Variants in PIP5K1C observed in about 807,000 individuals in gnomAD.
The protein encoded by PIP5K1C is phosphatidylinositol 4-phosphate 5-kinase type-1 gamma.
PIP5K1C carries 45 observed loss-of-function variants against 80.1 expected under a neutral mutation model. That is an observed-to-expected ratio of 0.56 (90% CI 0.44 to 0.72). The LOEUF (loss-of-function observed/expected upper bound fraction) is 0.72, where lower values mean the gene tolerates loss of function less well. Among genes scored for constraint, PIP5K1C ranks in the 30% least tolerant of loss-of-function variants. The pLI is 0.00. For missense variants in PIP5K1C, 753 were observed against 954.6 expected (o/e 0.79, Z 2.78); for synonymous variants, 498 against 420.1 (o/e 1.19, Z -2.27).
At chr19:3,678,487 G>A in intron 1 of PIP5K1C, among the ~76,000 whole-genome samples, 1 of 129,330 alleles carries the variant, frequency 7.7e-6, no homozygotes, top group South Asian at 2.8e-4. Flanking sequence ...GAGGAGGGAT[G>A]GAGGCAAGGA....
chr19:3,660,913 C>T (rs866762749), intron 5 of PIP5K1C, 53 bp downstream of exon 5: 14 of 1,441,442 alleles, frequency 9.7e-6, no homozygotes, highest in Middle Eastern at 3.5e-4. Context: ...CCTCCGAGAC[C>T]CTGAACATGT....
In PIP5K1C at chr19:3,632,941, G is replaced by A. The variant is rs557008041; in HGVS notation, c.*226C>T. ...GACTCAAATGCGATTGGCCGCTCGG[G>A]AGGGTGGGTCTCACAGGGGCAGGCT... On this transcript the variant is annotated 3_prime_UTR_variant, in exon 18 of 18. Coordinates refer to ENST00000335312, the MANE Select transcript of PIP5K1C (RefSeq NM_012398.3). The A allele has an allele frequency of 2.1e-5, 11 of 531,702 alleles. No homozygotes were observed. The highest frequency in any genetic ancestry group is 9.6e-5 in the East Asian group (3 of 31,102). The allele number at this position is 531,702 out of a possible 1,614,324, so 32.9% of individuals were successfully genotyped here.
chr19:3,660,196 C>T (rs528133527), intron 5 of PIP5K1C, among the ~76,000 whole-genome samples: 2 of 152,226 alleles, frequency 1.3e-5, no homozygotes, highest in South Asian at 2.1e-4. Flanking sequence ...CTGGCTGACA[C>T]GGTGAAACCC....
chr19:3,642,186 G>A (rs540592682), intron 14 of PIP5K1C, among the ~76,000 whole-genome samples: 8 of 152,208 alleles, frequency 5.3e-5, no homozygotes, highest in African/African-American at 9.7e-5. Flanking sequence ...CAAATGGCAC[G>A]CTAGACTGCA....
intron 5 of PIP5K1C, among the ~76,000 whole-genome samples, chr19:3,658,968 C>T (rs2034737515): frequency 6.6e-6 from 1 of 152,154 alleles, no homozygotes. Context: ...CCTTGGCCTC[C>T]TCTCCACCCT....
intron 3 of PIP5K1C, among the ~76,000 whole-genome samples, chr19:3,662,806 T>C (rs979349046): frequency 6.6e-6 from 1 of 151,900 alleles, no homozygotes; most frequent in African/African-American, 2.4e-5. Context: ...CCTCAGCTAA[T>C]CCACCTGCCT....
chr19:3,643,032 C>A, intron 13 of PIP5K1C, 93 bp from the exon 14 acceptor site: 1 of 1,509,668 alleles, frequency 6.6e-7, no homozygotes, highest in Admixed American at 1.7e-5. Flanking sequence ...CTACCTGCCC[C>A]CTGGCAGCCC....
At chr19:3,698,908 C>A (rs1160260585) in intron 1 of PIP5K1C, among the ~76,000 whole-genome samples, 1 of 151,720 alleles carries the variant, frequency 6.6e-6, no homozygotes, top group Non-Finnish European at 1.5e-5. Context: ...GATGCCAGAC[C>A]CTGACCTTCC....
At position 3,644,298 on chromosome 19, in the gene PIP5K1C, T is replaced by C. The variant is rs140203895; in HGVS notation, c.1346-47A>G. On this transcript the variant is annotated intron_variant, in intron 11 of 17. Transcript: ENST00000335312. ...GGTGCTTGGGGTTGCTGGGGGCTCA[T>C]AGCAAAGCCCAGACAGGGCCGCCGC... 9.0e-4 allele frequency: 1,428 copies of C among 1,587,126 alleles called. 10 individuals are homozygous for C. The African/African-American group carries it at 0.017, about 19-fold the overall frequency.
In PIP5K1C at chr19:3,700,339, G is replaced by A. The variant is rs1055609728; in HGVS notation, c.52C>T (p.Pro18Ser). The A allele has an allele frequency of 5.4e-6, 7 of 1,295,578 alleles. No individual in the cohort carries two copies. In the African/African-American group the frequency reaches 9.4e-5, roughly 17 times the overall value. 80.3% of individuals were successfully genotyped at this position (1,295,578 alleles called of 1,614,324 possible). The change falls in exon 1 of 18, where the codon CCC becomes TCC. Residue 18 changes from proline (P) to serine (S), a missense_variant. By Grantham distance (74) the Pro-to-Ser change is moderately conservative. Transcript: ENST00000335312. ...EAESAEAGAV[P>S]SEAAWAAESG... Reference sequence around the variant, plus strand: ...TCTGCCGCCCACGCCGCCTCCGAGGGCACGGCCCCCGCCTCAGCGCTCTCC... The same window carrying A: ...TCTGCCGCCCACGCCGCCTCCGAGGACACGGCCCCCGCCTCAGCGCTCTCC...
At position 3,633,417 on chromosome 19, in the gene PIP5K1C, T is replaced by C. The variant is rs760133727; in HGVS notation, c.2004+20A>G. 1 of 1,421,686 alleles carries C rather than the reference T, an allele frequency of 7.0e-7. No individual in the cohort carries two copies. Among genetic ancestry groups the C allele is most frequent in the East Asian group, 2.6e-5 (1 of 38,836 alleles). 88.1% of individuals were successfully genotyped at this position (1,421,686 alleles called of 1,614,324 possible). A position where few individuals can be genotyped will look rare whatever the true frequency, so the allele number is the denominator to read the frequency against. On this transcript the variant is annotated intron_variant, in intron 17 of 17. Transcript: ENST00000335312. Reference sequence around the variant, plus strand: ...CCTTGGAGCCCACGGGACCGGCGGGTGCACCTGGGCTGCACTTACTGTGTC... The same window carrying C: ...CCTTGGAGCCCACGGGACCGGCGGGCGCACCTGGGCTGCACTTACTGTGTC...
intron 11 of PIP5K1C, among the ~76,000 whole-genome samples, 175 bp from the exon 12 acceptor site, chr19:3,644,426 G>A (rs539857456): frequency 9.8e-5 from 15 of 152,298 alleles, no homozygotes; most frequent in African/African-American, 3.6e-4. Flanking sequence ...TGCCTGGGGA[G>A]GGACTGCGAG....
chr19:3,657,773 AAAG>A (rs1194147161), intron 5 of PIP5K1C, among the ~76,000 whole-genome samples: 4 of 151,396 alleles, frequency 2.6e-5, no homozygotes, highest in African/African-American at 9.7e-5. Flanking sequence ...TAAAAAAAAA[AAAG>A]AAAGAAAACA....
Position 3,662,139 on chromosome 19 carries a change from C to T in PIP5K1C, c.220-138G>A, listed in dbSNP as rs908425595. ...CTGCCAACCCCCTCCTGGTGGTCCC[C>T]GGGGCTGCCTGTCCTGCGGCTGCTG... is the stretch of plus-strand genomic sequence containing the variant. On this transcript the variant is annotated intron_variant, in intron 3 of 17. Coordinates refer to ENST00000335312, the MANE Select transcript of PIP5K1C (RefSeq NM_012398.3). The T allele has an allele frequency of 7.3e-5, 79 of 1,080,102 alleles. 1 individual carries two copies. Among genetic ancestry groups the T allele is most frequent in the South Asian group, 5.4e-4 (36 of 67,170 alleles). The allele number at this position is 1,080,102 out of a possible 1,614,324, so 66.9% of individuals were successfully genotyped here.
At chr19:3,697,057 G>A (rs772576188) in intron 1 of PIP5K1C, among the ~76,000 whole-genome samples, 94 of 148,004 alleles carry the variant, frequency 6.4e-4, no homozygotes, top group South Asian at 1.1e-3. Flanking sequence ...AGCTGGACCG[G>A]GGAGGACCGA....
chr19:3,662,979 A>AG (rs1401325717), intron 3 of PIP5K1C, among the ~76,000 whole-genome samples: 2 of 152,212 alleles, frequency 1.3e-5, no homozygotes, highest in African/African-American at 4.8e-5. Flanking sequence ...CTCCCGCCTC[A>AG]GCCTCCCAAG....
intron 12 of PIP5K1C, among the ~76,000 whole-genome samples, 176 bp from the exon 13 acceptor site, chr19:3,643,557 C>A (rs1203707781): frequency 6.6e-6 from 1 of 152,134 alleles, no homozygotes; most frequent in African/African-American, 2.4e-5. Flanking sequence ...CACACAAAGG[C>A]TTCTGACCGC....
chr19:3,668,210 C>T (rs892305076), intron 1 of PIP5K1C, among the ~76,000 whole-genome samples: 2 of 151,924 alleles, frequency 1.3e-5, no homozygotes, highest in Non-Finnish European at 2.9e-5. Flanking sequence ...GGGGAGCAGG[C>T]GAGACTCAGC....
chr19:3,654,975 G>A (rs2034570827), intron 6 of PIP5K1C, among the ~76,000 whole-genome samples: 1 of 151,882 alleles, frequency 6.6e-6, no homozygotes, highest in Non-Finnish European at 1.5e-5. Context: ...AGGCGTGGTG[G>A]TAGGTGCCTG....
Sources: allele counts gnomAD v4.1 joint callset (sites outside exome capture counted in the v4.1 genomes callset), GRCh38; gene constraint gnomAD v4.1.1; transcripts MANE v1.5; gene names NCBI Gene and HGNC (gene_info 2026-07-23, HGNC 2026-07-21).